The following PDE4D variants were observed in gnomAD, a reference collection of about 807,000 sequenced individuals.
PDE4D encodes the protein 3',5'-cyclic-AMP phosphodiesterase 4D.
PDE4D carries 24 observed loss-of-function variants against 87.4 expected under a neutral mutation model. The observed-to-expected ratio is 0.27, with a 90% CI of 0.20 to 0.39. The LOEUF is 0.39. PDE4D is among the 10% of genes least tolerant of loss of function. The pLI is 1.00. For synonymous variants in PDE4D, 384 were observed against 383.2 expected (o/e 1.00, Z -0.02); for missense variants, 714 against 1,041.0 (o/e 0.69, Z 4.32).
intron 1 of PDE4D, among the ~76,000 whole-genome samples, chr5:60,285,841 C>T (rs1752370385): frequency 6.6e-6 from 1 of 152,184 alleles, no homozygotes; most frequent in African/African-American, 2.4e-5. Flanking sequence ...ATGTGAGTGG[C>T]AGTTTCAACG....
At chr5:59,557,849 A>G (rs1380392377) in intron 1 of PDE4D, among the ~76,000 whole-genome samples, 1 of 152,224 alleles carries the variant, frequency 6.6e-6, no homozygotes, top group Non-Finnish European at 1.5e-5. Context: ...AAAGGCAATA[A>G]CTGCATCAGG....
intron 5 of PDE4D, among the ~76,000 whole-genome samples, chr5:59,162,368 CACAG>C (rs962017882): frequency 3.3e-5 from 5 of 151,980 alleles, no homozygotes; most frequent in African/African-American, 9.7e-5. Context: ...GTTACCAGTT[CACAG>C]ACAGTTATTT....
chr5:60,206,370 AC>A (rs1208131034), intron 1 of PDE4D, among the ~76,000 whole-genome samples: 3 of 152,188 alleles, frequency 2.0e-5, no homozygotes, highest in African/African-American at 7.2e-5. Context: ...AGATTTCCCA[AC>A]CTTTTCTAGT....
chr5:59,764,380 C>T (rs1580979888), intron 1 of PDE4D, among the ~76,000 whole-genome samples: 1 of 152,172 alleles, frequency 6.6e-6, no homozygotes, highest in Non-Finnish European at 1.5e-5. Flanking sequence ...ATACTATTCC[C>T]AGAAAACTGA....
chr5:59,039,199 G>A (rs1759148743), intron 5 of PDE4D: 1 of 1,306,632 alleles, frequency 7.7e-7, no homozygotes, highest in Non-Finnish European at 9.7e-7. Context: ...TTGGCGTCTC[G>A]GGTCGGCCTC....
intron 1 of PDE4D, among the ~76,000 whole-genome samples, chr5:59,630,623 A>C (rs1831446964): frequency 6.6e-6 from 1 of 152,252 alleles, no homozygotes; most frequent in Non-Finnish European, 1.5e-5. Context: ...TGCCCAAATG[A>C]GAATGGCTTT....
chr5:59,067,788 C>T (rs1446705793), intron 5 of PDE4D, among the ~76,000 whole-genome samples: 1 of 152,118 alleles, frequency 6.6e-6, no homozygotes, highest in African/African-American at 2.4e-5. Flanking sequence ...TTAATGCATT[C>T]TGCCCTCTTA....
At chr5:59,353,222 C>T (rs1156741953) in intron 1 of PDE4D, among the ~76,000 whole-genome samples, 1 of 152,074 alleles carries the variant, frequency 6.6e-6, no homozygotes, top group African/African-American at 2.4e-5. Context: ...TTTCCTTGAA[C>T]ACTACTGTAG....
chr5:59,769,859 T>C (rs1365983360), intron 1 of PDE4D, among the ~76,000 whole-genome samples: 2 of 151,874 alleles, frequency 1.3e-5, no homozygotes, highest in African/African-American at 2.4e-5. Flanking sequence ...AAATGGAGAC[T>C]GGAATGATTC....
intron 3 of PDE4D, among the ~76,000 whole-genome samples, chr5:59,927,793 T>C (rs944071205): frequency 6.6e-6 from 1 of 152,238 alleles, no homozygotes; most frequent in Admixed American, 6.5e-5. Context: ...GATGGTAATA[T>C]TCTACATCAC....
chr5:59,664,775 G>C (rs1339450724), intron 1 of PDE4D, among the ~76,000 whole-genome samples: 1 of 152,204 alleles, frequency 6.6e-6, no homozygotes, highest in Admixed American at 6.5e-5. Context: ...AGGTTGATAA[G>C]TCTAACCTTT....
intron 1 of PDE4D, among the ~76,000 whole-genome samples, chr5:60,351,525 T>TTGA (rs1759191473): frequency 6.6e-6 from 1 of 152,022 alleles, no homozygotes; most frequent in South Asian, 2.1e-4. Context: ...GGATCATGAG[T>TTGA]TGATCTTGAG....
intron 1 of PDE4D, among the ~76,000 whole-genome samples, chr5:59,597,774 C>T (rs1279455402): frequency 6.6e-6 from 1 of 152,120 alleles, no homozygotes; most frequent in Non-Finnish European, 1.5e-5. Context: ...ATAATCTTTG[C>T]ATTCAAGTGT....
chr5:60,500,670 C>T (rs1388474210), intron 1 of PDE4D, among the ~76,000 whole-genome samples: 1 of 152,218 alleles, frequency 6.6e-6, no homozygotes, highest in African/African-American at 2.4e-5. Flanking sequence ...AAGTTTATAT[C>T]CTGGCTTTGC....
intron 1 of PDE4D, among the ~76,000 whole-genome samples, chr5:60,347,429 T>C (rs987047204): frequency 1.3e-5 from 2 of 152,152 alleles, no homozygotes; most frequent in African/African-American, 2.4e-5. Context: ...AGGTCTTAAG[T>C]AGGGGACTGA....
chr5:59,852,670 T>C (rs1434810016), intron 1 of PDE4D, among the ~76,000 whole-genome samples: 3 of 152,080 alleles, frequency 2.0e-5, no homozygotes, highest in South Asian at 4.1e-4. Context: ...ACTGTGGGCA[T>C]AATAAAATTT....
At chr5:59,975,179 G>A (rs987226180) in intron 3 of PDE4D, among the ~76,000 whole-genome samples, 1 of 152,030 alleles carries the variant, frequency 6.6e-6, no homozygotes, top group African/African-American at 2.4e-5. Flanking sequence ...ACTGAAAACT[G>A]CCCACCTTTT....
chr5:59,400,313 G>C (rs1445986543), intron 1 of PDE4D, among the ~76,000 whole-genome samples: 1 of 115,488 alleles, frequency 8.7e-6, no homozygotes, highest in Non-Finnish European at 1.7e-5. Context: ...ATTCACAATA[G>C]CAAAGACTTG....
chr5:60,432,475 A>C (rs1744427405), intron 1 of PDE4D, among the ~76,000 whole-genome samples: 2 of 152,196 alleles, frequency 1.3e-5, no homozygotes, highest in Non-Finnish European at 2.9e-5. Flanking sequence ...TTCCTGGTTC[A>C]GTCTCGAGAG....
Sources: gnomAD v4.1 joint callset for allele counts (sites outside exome capture counted in the v4.1 genomes callset) on GRCh38, gnomAD v4.1.1 for gene constraint, MANE v1.5 for transcripts, NCBI Gene and HGNC (gene_info 2026-07-23, HGNC 2026-07-21) for gene names.